Variants in DYNC2H1 observed in about 807,000 individuals in gnomAD.
DYNC2H1 encodes cytoplasmic dynein 2 heavy chain 1.
Under a neutral mutation model 570.0 loss-of-function variants are expected in DYNC2H1, and 410 were observed. That is an observed-to-expected ratio of 0.72 (90% CI 0.66 to 0.78). DYNC2H1 has a LOEUF of 0.78. Ranked by LOEUF, DYNC2H1 falls within the 30% of genes least tolerant of loss-of-function variation. The pLI is 0.00. For missense variants in DYNC2H1, 4,865 were observed against 5,046.4 expected, an observed-to-expected ratio of 0.96 and a Z score of 1.09; for synonymous variants, 1,688 against 1,677.6, an observed-to-expected ratio of 1.01 and a Z score of -0.15.
rs1177878513 is a variant in DYNC2H1, at chr11:103,189,894, T to G, written c.7437+78T>G. 2 of 1,398,958 alleles carry G rather than the reference T, an allele frequency of 1.4e-6. No individual in the cohort carries two copies. Among genetic ancestry groups the G allele is most frequent in the Non-Finnish European group, 1.9e-6 (2 of 1,044,146 alleles). The allele number at this position is 1,398,958 out of a possible 1,614,324, so 86.7% of individuals were successfully genotyped here. A position where few individuals can be genotyped will look rare whatever the true frequency, so the allele number is the denominator to read the frequency against. On this transcript the variant is annotated intron_variant, in intron 45 of 88. Coordinates refer to ENST00000375735, the MANE Select transcript of DYNC2H1 (RefSeq NM_001377.3). This position sits in a 1 kb window ranked among gnomAD's most constrained non-coding sequence, Gnocchi z 4.3. ...GGTCTACTTTTAATTCTGACCTCTG[T>G]GTTGACACCCAGGCTTTACTTTCCT...
At chr11:103,147,930 G>A (rs1860328413) in intron 19 of DYNC2H1, 43 bp downstream of exon 19, 1 of 1,289,318 alleles carries the variant, frequency 7.8e-7, no homozygotes, top group Non-Finnish European at 1.1e-6. Context: ...AATTTGATAT[G>A]TAGAAGCATG....
In DYNC2H1 at chr11:103,159,034, T is replaced by G. The variant is rs1860966525; in HGVS notation, c.4378+7T>G. On this transcript the variant is annotated splice_region_variant and intron_variant, in intron 28 of 88. Transcript: ENST00000375735. ...CTGAAGAAGCTTTTTGCTGGTAGGA[T>G]TCAACATTTATTTAACAGATATTTA... The G allele has an allele frequency of 6.2e-7, 1 of 1,600,788 alleles. No individual in the cohort carries two copies.
chr11:103,259,581 C>T (rs964706994), intron 69 of DYNC2H1, among the ~76,000 whole-genome samples: 2 of 151,892 alleles, frequency 1.3e-5, no homozygotes, highest in Non-Finnish European at 2.9e-5. Context: ...ATGGCCTTAA[C>T]CTAGATTGAT....
At chr11:103,449,343 A>G (rs1008224206) in intron 85 of DYNC2H1, among the ~76,000 whole-genome samples, 2 of 152,190 alleles carry the variant, frequency 1.3e-5, no homozygotes, top group African/African-American at 4.8e-5. Context: ...ACTCTGGGCA[A>G]CTTTTGAAGA....
At position 103,253,281 on chromosome 11, in the gene DYNC2H1, A is replaced by G. The variant is rs1429803855; in HGVS notation, c.10043-4A>G. ...CCAACCAATTGTGTGTTTTTTTTAA[A>G]TAGGACCACGTTATGTGGTACAAAT... On this transcript the variant is annotated splice_region_variant and splice_polypyrimidine_tract_variant and intron_variant, in intron 65 of 88. Transcript: ENST00000375735. The G allele has an allele frequency of 8.8e-6, 14 of 1,598,424 alleles. No individual in the cohort carries two copies. The highest frequency in any genetic ancestry group is 1.2e-5 in the Non-Finnish European group (14 of 1,172,244).
At position 103,298,268 on chromosome 11, in the gene DYNC2H1, T is replaced by C. The variant is rs546009731; in HGVS notation, c.11096-4825T>C. On this transcript the variant is annotated intron_variant, in intron 75 of 88. Transcript: ENST00000375735. Reference sequence around the variant, plus strand: ...GGAATATCAGAACCTTTGCACTTGCTGTTCCTATTGCTCAAACGCATGTTA... The same window carrying C: ...GGAATATCAGAACCTTTGCACTTGCCGTTCCTATTGCTCAAACGCATGTTA... 9.2e-5 allele frequency among the ~76,000 whole-genome samples: 14 copies of C among 152,160 alleles called. No individual in the cohort carries two copies. The South Asian group carries it at 2.7e-3, about 29-fold the overall frequency.
chr11:103,215,687 T>A (rs1381333981), intron 54 of DYNC2H1, 34 bp from the exon 55 acceptor site: 1 of 1,524,644 alleles, frequency 6.6e-7, no homozygotes, highest in Non-Finnish European at 8.8e-7. Context: ...ATTCCTTTTT[T>A]AAAATATTGC....
chr11:103,132,978 T>A (rs937563590), intron 13 of DYNC2H1, among the ~76,000 whole-genome samples: 1 of 152,090 alleles, frequency 6.6e-6, no homozygotes, highest in Non-Finnish European at 1.5e-5. Context: ...TATTACCTTG[T>A]CAGGGGGATT....
rs1565495651 is a variant in DYNC2H1, at chr11:103,324,016, CA to C, written c.12039+33del. ...GTAACCTAAAAAAAAGATCTACCTT[CA>C]AAAAAAGTTGCTAGTGAGCCTGAAG... On this transcript the variant is annotated intron_variant, in intron 82 of 88. Coordinates refer to ENST00000375735, the MANE Select transcript of DYNC2H1 (RefSeq NM_001377.3). This position sits in a 1 kb window ranked among gnomAD's most constrained non-coding sequence, Gnocchi z 5.2. 6.4e-6 allele frequency: 10 copies of C among 1,559,416 alleles called. No individual in the cohort carries two copies. Among genetic ancestry groups the C allele is most frequent in the African/African-American group, 2.7e-5 (2 of 72,854 alleles).
intron 82 of DYNC2H1, among the ~76,000 whole-genome samples, chr11:103,331,573 G>A (rs908117278): frequency 2.6e-5 from 4 of 152,116 alleles, no homozygotes; most frequent in Non-Finnish European, 4.4e-5. Context: ...GCATTTGTAA[G>A]CTTTAAAACT....
At position 103,339,578 on chromosome 11, in the gene DYNC2H1, T is replaced by G. The variant is rs574875490; in HGVS notation, c.12039+15588T>G. On this transcript the variant is annotated intron_variant, in intron 82 of 88. Transcript: ENST00000375735. ...TTTGCAAGACAAAGTCTTACGTATTTTTTCCTCTCTTTCCCACAAGTGGAA... is the reference window on the plus strand; with the variant it reads ...TTTGCAAGACAAAGTCTTACGTATTGTTTCCTCTCTTTCCCACAAGTGGAA... Among the ~76,000 whole-genome samples the G allele has an allele frequency of 5.3e-5, 8 of 151,942 alleles. No individual in the cohort carries two copies. The East Asian group carries it at 1.6e-3, about 30-fold the overall frequency.
chr11:103,163,125 A>T lies in DYNC2H1; in HGVS notation c.4589A>T (p.Asp1530Val). The T allele has an allele frequency of 1.9e-6, 3 of 1,612,642 alleles. No individual in the cohort carries two copies. Among genetic ancestry groups the T allele is most frequent in the Non-Finnish European group, 2.5e-6 (3 of 1,178,962 alleles). The change falls in exon 30 of 89, where the codon GAC becomes GTC. Residue 1530 changes from aspartate (D) to valine (V), a missense_variant. Transcript: ENST00000375735. The surrounding 1 kb of genome is among the most constrained non-coding windows in gnomAD (Gnocchi z 4.6). ...GGGCGAAGTTCTCAAGGTGCAGTTG[A>T]CCCATCTCTGTTCCCTTCACAGGTA... ...TTGRSSQGAV[D>V]PSLFPSQILC...
At chr11:103,221,264 GTTTCAT>G (rs1863576269) in intron 57 of DYNC2H1, among the ~76,000 whole-genome samples, 1 of 152,118 alleles carries the variant, frequency 6.6e-6, no homozygotes, top group Non-Finnish European at 1.5e-5. Flanking sequence ...GCAGGTTCAG[GTTTCAT>G]GTTATAATAG....
chr11:103,465,646 A>G lies in DYNC2H1; in HGVS notation c.12649-2943A>G, dbSNP rs989822390. On this transcript the variant is annotated intron_variant, in intron 87 of 88. Coordinates refer to ENST00000375735, the MANE Select transcript of DYNC2H1 (RefSeq NM_001377.3). The surrounding 1 kb of genome is among the most constrained non-coding windows in gnomAD (Gnocchi z 4.9). ...CTAGATCAGTTAGAAGGGAAGGTCC[A>G]TGCTGGCCTCATTCATATATATGGC... Among the ~76,000 whole-genome samples, 2 of 152,156 alleles carry G rather than the reference A, an allele frequency of 1.3e-5. No homozygotes were observed. Among genetic ancestry groups the G allele is most frequent in the Non-Finnish European group, 2.9e-5 (2 of 68,020 alleles).
At chr11:103,372,101 C>T (rs1400321371) in intron 83 of DYNC2H1, among the ~76,000 whole-genome samples, 1 of 131,042 alleles carries the variant, frequency 7.6e-6, no homozygotes, top group East Asian at 2.3e-4. Flanking sequence ...AGTGCAGTGG[C>T]ACGATCTTGC....
chr11:103,223,177 T>C, intron 59 of DYNC2H1, 91 bp downstream of exon 59: 1 of 1,274,362 alleles, frequency 7.8e-7, no homozygotes, highest in Non-Finnish European at 1.0e-6. Context: ...TTTTTCTCTA[T>C]TTGTAAAATG....
intron 75 of DYNC2H1, among the ~76,000 whole-genome samples, chr11:103,301,491 C>A (rs570360230): frequency 6.6e-6 from 1 of 151,890 alleles, no homozygotes; most frequent in African/African-American, 2.4e-5. Flanking sequence ...TACTGCATTG[C>A]AAGTATGTAA....
At position 103,187,599 on chromosome 11, in the gene DYNC2H1, G is replaced by A. The variant is rs1390733883; in HGVS notation, c.7140+13G>A. On this transcript the variant is annotated intron_variant, in intron 43 of 88. Coordinates refer to ENST00000375735, the MANE Select transcript of DYNC2H1 (RefSeq NM_001377.3). ...ATTCCTACAACAGGTAAGTCATATT[G>A]CTTGAAGTGTTTTAATCTAATTGGA... 1 of 1,609,134 alleles carries A rather than the reference G, an allele frequency of 6.2e-7. No homozygotes were observed. Among genetic ancestry groups the A allele is most frequent in the Admixed American group, 1.7e-5 (1 of 59,012 alleles).
Position 103,154,734 on chromosome 11 carries a change from G to T in DYNC2H1, c.3498G>T (p.Trp1166Cys), listed in dbSNP as rs1860732977. 6.4e-7 allele frequency: 1 copy of T among 1,572,982 alleles called. No individual in the cohort carries two copies. Among genetic ancestry groups the T allele is most frequent in the Non-Finnish European group, 8.6e-7 (1 of 1,158,648 alleles). Residue 1166 changes from tryptophan to cysteine, a missense_variant, in exon 24 of 89, where the codon TGG becomes TGT. By Grantham distance (215) the Trp-to-Cys change is radical. Transcript: ENST00000375735. ...TYLFEEFLMN[W>C]HDRLRKVEEH... Reference sequence around the variant, plus strand: ...TGTTTGAGGAATTTTTGATGAACTGGCATGACAGATTAAGGAAGGTTGAAG... The same window carrying T: ...TGTTTGAGGAATTTTTGATGAACTGTCATGACAGATTAAGGAAGGTTGAAG...
Sources: allele counts gnomAD v4.1 joint callset (sites outside exome capture counted in the v4.1 genomes callset), GRCh38; gene constraint gnomAD v4.1.1; non-coding constraint Gnocchi (gnomAD v3.1); transcripts MANE v1.5; gene names NCBI Gene and HGNC (gene_info 2026-07-23, HGNC 2026-07-21).